Variants in ANO6 observed in about 807,000 individuals in gnomAD.
The protein encoded by ANO6 is anoctamin-6.
Under a neutral mutation model 117.5 loss-of-function variants are expected in ANO6, and 106 were observed. That is an observed-to-expected ratio of 0.90 (90% CI 0.77 to 1.06). The LOEUF is 1.06. ANO6 is among the 50% of genes least tolerant of loss of function. The pLI is 0.00. For missense variants in ANO6, 955 were observed against 1,121.1 expected, an observed-to-expected ratio of 0.85 and a Z score of 2.12; for synonymous variants, 367 against 385.1, an observed-to-expected ratio of 0.95 and a Z score of 0.55.
chr12:45,347,383 G>T (rs909251285), intron 4 of ANO6: 3 of 371,068 alleles, frequency 8.1e-6, no homozygotes, highest in Non-Finnish European at 1.4e-5. Flanking sequence ...AATAGTTTAT[G>T]GTAAAAAATT....
At chr12:45,279,117 C>A (rs1938642569) in intron 1 of ANO6, among the ~76,000 whole-genome samples, 1 of 152,100 alleles carries the variant, frequency 6.6e-6, no homozygotes, top group African/African-American at 2.4e-5. Flanking sequence ...CAAGTCTTTT[C>A]CTAGGTAGGG....
At chr12:45,266,165 C>T (rs1037612941) in intron 1 of ANO6, among the ~76,000 whole-genome samples, 5 of 152,154 alleles carry the variant, frequency 3.3e-5, no homozygotes, top group Non-Finnish European at 7.3e-5. Context: ...TTTCAGTTGT[C>T]TGCATCTTAA....
In ANO6 at chr12:45,244,354, C is replaced by T. The variant is rs76110582; in HGVS notation, c.70+27963C>T. Among the ~76,000 whole-genome samples, 691 of 142,682 alleles carry T rather than the reference C, an allele frequency of 4.8e-3. 7 individuals are homozygous for T. The highest frequency in any genetic ancestry group is 0.033 in the East Asian group (158 of 4,838). The allele number at this position is 142,682 out of a possible 152,430, so 93.6% of individuals were successfully genotyped here. ...AGGTAGATGCTGGTTGTCCCATTAC[C>T]GTTTTTCTTACTGCCCAAGCAGCGG... is the stretch of plus-strand genomic sequence containing the variant. On this transcript the variant is annotated intron_variant, in intron 1 of 19. Transcript: ENST00000320560.
chr12:45,388,382 T>C (rs1416023149), intron 11 of ANO6, 79 bp downstream of exon 11: 8 of 1,566,580 alleles, frequency 5.1e-6, no homozygotes, highest in African/African-American at 1.4e-5. Flanking sequence ...TTAGAATCAC[T>C]TGGGGGAGCT....
At chr12:45,421,036 A>C in intron 17 of ANO6, 35 bp from the exon 18 acceptor site, 1 of 1,598,726 alleles carries the variant, frequency 6.3e-7, no homozygotes, top group Non-Finnish European at 8.6e-7. Context: ...AAAAAACTAT[A>C]ACTTCATTTT....
At chr12:45,356,127 C>G (rs1941404675) in intron 7 of ANO6, among the ~76,000 whole-genome samples, 1 of 152,196 alleles carries the variant, frequency 6.6e-6, no homozygotes, top group African/African-American at 2.4e-5. Flanking sequence ...AGCCTGCCCT[C>G]TTTAATCTTG....
intron 4 of ANO6, 105 bp from the exon 5 acceptor site, chr12:45,347,923 T>C: frequency 9.2e-7 from 1 of 1,091,112 alleles, no homozygotes; most frequent in Non-Finnish European, 1.4e-6. Flanking sequence ...TGGTGGTCTC[T>C]GTATTGTTTT....
intron 15 of ANO6, among the ~76,000 whole-genome samples, chr12:45,406,545 T>C (rs1942939431): frequency 6.6e-6 from 1 of 152,146 alleles, no homozygotes; most frequent in Non-Finnish European, 1.5e-5. Flanking sequence ...TACATGTATA[T>C]TGTAACATAA....
At chr12:45,415,525 G>C (rs1943192330) in intron 16 of ANO6, among the ~76,000 whole-genome samples, 2 of 152,230 alleles carry the variant, frequency 1.3e-5, no homozygotes, top group African/African-American at 4.8e-5. Context: ...CCTGCGGGCT[G>C]ATGAGTTATT....
intron 18 of ANO6, among the ~76,000 whole-genome samples, chr12:45,422,667 C>G (rs772918226): frequency 6.6e-6 from 1 of 151,750 alleles, no homozygotes; most frequent in Non-Finnish European, 1.5e-5. Flanking sequence ...CTTCACCTCT[C>G]GGGTTCAAGC....
chr12:45,403,145 C>T lies in ANO6; in HGVS notation c.1686C>T (p.Tyr562=). Residue 562 remains tyrosine (Y), a synonymous_variant, in exon 14 of 20, where the codon TAC becomes TAT. Coordinates refer to ENST00000320560, the MANE Select transcript of ANO6 (RefSeq NM_001025356.3). The stretch of plus-strand genomic sequence containing the variant: ...TGTTCTTATTCCAGTTTGTCAACTA[C>T]TACTCTTCATGCTTCTACATAGCAT... The part of the protein sequence containing the change: ...MKMFLFQFVN[Y]YSSCFYIAFF... The T allele has an allele frequency of 8.1e-6, 13 of 1,613,974 alleles. No individual in the cohort carries two copies. Among genetic ancestry groups the T allele is most frequent in the Non-Finnish European group, 1.1e-5 (13 of 1,179,904 alleles).
chr12:45,345,411 A>C (rs527687478), intron 3 of ANO6, among the ~76,000 whole-genome samples: 19 of 152,170 alleles, frequency 1.2e-4, no homozygotes, highest in African/African-American at 4.3e-4. Context: ...GTCCCTTTAG[A>C]GTGGGCAGAT....
chr12:45,320,493 A>G, intron 2 of ANO6, among the ~76,000 whole-genome samples: 1 of 152,178 alleles, frequency 6.6e-6, no homozygotes, highest in African/African-American at 2.4e-5. Flanking sequence ...ACAGTTTGTT[A>G]TAATTTCTGT....
chr12:45,392,462 A>G (rs1252203922), intron 12 of ANO6, among the ~76,000 whole-genome samples: 1 of 152,226 alleles, frequency 6.6e-6, no homozygotes, highest in Non-Finnish European at 1.5e-5. Context: ...TGCAGACTTA[A>G]ATGTCCCTGT....
chr12:45,294,736 C>T (rs574464385), intron 1 of ANO6, among the ~76,000 whole-genome samples: 31 of 152,222 alleles, frequency 2.0e-4, no homozygotes, highest in Non-Finnish European at 3.7e-4. Context: ...ACCAACATTG[C>T]CCAGAACGTT....
rs1045319161 is a variant in ANO6, at chr12:45,347,081, A to G, written c.339A>G (p.Thr113=). The part of the protein sequence containing the change: ...LICHGLQLEA[T]RSVLDDKLVF... Reference sequence around the variant, plus strand: ...GTCATGGCCTGCAGTTAGAAGCAACAAGATCAGTAAGTACTGGTCCCTTTT... The same window carrying G: ...GTCATGGCCTGCAGTTAGAAGCAACGAGATCAGTAAGTACTGGTCCCTTTT... Residue 113 remains threonine (T), a synonymous_variant, in exon 4 of 20, where the codon ACA becomes ACG. Transcript: ENST00000320560. The G allele has an allele frequency of 1.9e-6, 3 of 1,614,038 alleles. No homozygotes were observed. The highest frequency in any genetic ancestry group is 2.5e-6 in the Non-Finnish European group (3 of 1,179,944).
chr12:45,418,433 G>T (rs1383942443), intron 17 of ANO6, among the ~76,000 whole-genome samples: 9 of 152,160 alleles, frequency 5.9e-5, no homozygotes, highest in East Asian at 1.9e-4. Flanking sequence ...TGGCAGTGAG[G>T]CCTTTCAAGT....
intron 1 of ANO6, among the ~76,000 whole-genome samples, chr12:45,260,695 C>T (rs945058206): frequency 6.6e-6 from 1 of 152,104 alleles, no homozygotes; most frequent in Admixed American, 6.5e-5. Context: ...GTAGGGAGAG[C>T]TTGAAGAGAG....
intron 19 of ANO6, among the ~76,000 whole-genome samples, chr12:45,438,839 C>T (rs1006570030): frequency 6.6e-6 from 1 of 151,992 alleles, no homozygotes; most frequent in Admixed American, 6.6e-5. Flanking sequence ...AAGCCATATG[C>T]AGGGAGTAAT....
Sources: allele counts gnomAD v4.1 joint callset (sites outside exome capture counted in the v4.1 genomes callset), GRCh38; gene constraint gnomAD v4.1.1; transcripts MANE v1.5; gene names NCBI Gene and HGNC (gene_info 2026-07-23, HGNC 2026-07-21).